The following MPPE1 variants were observed in gnomAD, a reference collection of about 807,000 sequenced individuals.
The protein encoded by MPPE1 is metallo phosphoesterase.
Under a neutral mutation model 43.8 loss-of-function variants are expected in MPPE1, and 28 were observed. The ratio of observed to expected loss-of-function variants is 0.64; its 90% CI spans 0.47 to 0.88. The LOEUF (loss-of-function observed/expected upper bound fraction) is 0.88. Among genes scored for constraint, MPPE1 ranks in the 40% least tolerant of loss-of-function variants. The probability of loss-of-function intolerance (pLI) is 0.00; values close to 1 mark genes in which losing one functional copy is unlikely to be tolerated. For synonymous variants in MPPE1, 159 were observed against 188.5 expected (o/e 0.84, Z 1.28); for missense variants, 428 against 492.2 (o/e 0.87, Z 1.23).
intron 2 of MPPE1, 29 bp downstream of exon 2, chr18:11,906,174 T>C (rs182874328): frequency 9.2e-5 from 14 of 152,128 alleles, no homozygotes; most frequent in African/African-American, 2.2e-4. Context: ...GACATATCCG[T>C]AAAATATGGA....
chr18:11,898,073 T>G (rs1202118145), intron 2 of MPPE1, among the ~76,000 whole-genome samples: 2 of 152,042 alleles, frequency 1.3e-5, no homozygotes, highest in East Asian at 3.8e-4. Context: ...TTTTGTTTTG[T>G]TTTGTTTTGT....
In MPPE1 at chr18:11,886,363, C is replaced by G. The variant is rs2144118568; in HGVS notation, c.867+136G>C. Reference sequence around the variant, plus strand: ...TACTGTGAAAGCCAGGCCTCCACCCCTGTCCCCCCAGGTGATAACTAAGTC... The same window carrying G: ...TACTGTGAAAGCCAGGCCTCCACCCGTGTCCCCCCAGGTGATAACTAAGTC... On this transcript the variant is annotated intron_variant, in intron 9 of 10. Coordinates refer to ENST00000588072, the MANE Select transcript of MPPE1 (RefSeq NM_023075.6). The surrounding 1 kb of genome is among the most constrained non-coding windows in gnomAD (Gnocchi z 4.1). 3 of 1,254,084 alleles carry G rather than the reference C, an allele frequency of 2.4e-6. No individual in the cohort carries two copies. Among genetic ancestry groups the G allele is most frequent in the South Asian group, 2.5e-5 (2 of 80,198 alleles). 77.7% of individuals were successfully genotyped at this position (1,254,084 alleles called of 1,614,324 possible).
rs528733834 is a variant in MPPE1, at chr18:11,899,455, C to T, written c.-92-2099G>A. Among the ~76,000 whole-genome samples, 12 of 152,328 alleles carry T rather than the reference C, an allele frequency of 7.9e-5. No individual in the cohort carries two copies. In the South Asian group the frequency reaches 1.5e-3, roughly 18 times the overall value. ...ATGTATAGTGGCTTCTGTAAGGGAA[C>T]CTTCAAAATTTTTATGGATTCATCC... On this transcript the variant is annotated intron_variant, in intron 2 of 10. Transcript: ENST00000588072.
chr18:11,899,964 C>A (rs1598577750), intron 2 of MPPE1, among the ~76,000 whole-genome samples: 1 of 152,212 alleles, frequency 6.6e-6, no homozygotes, highest in East Asian at 1.9e-4. Context: ...GTAATCCCAG[C>A]AGTTTGGGAG....
At chr18:11,893,975 A>T (rs76196795) in intron 3 of MPPE1, among the ~76,000 whole-genome samples, 5 of 152,162 alleles carry the variant, frequency 3.3e-5, no homozygotes, top group Admixed American at 3.3e-4. Context: ...TTAGCTTCTT[A>T]TTAAAGGGAC....
At position 11,907,481 on chromosome 18, in the gene MPPE1, C is replaced by A. The variant is rs192568186; in HGVS notation, c.-200+720G>T. On this transcript the variant is annotated intron_variant, in intron 1 of 10. Coordinates refer to ENST00000588072, the MANE Select transcript of MPPE1 (RefSeq NM_023075.6). ...AAATGGCTGTGTCACCAGCCATGGT[C>A]ACTCATATTTGGCTCAGAATTAATC... Among the ~76,000 whole-genome samples the A allele has an allele frequency of 1.3e-3, 203 of 152,056 alleles. 1 individual carries two copies. The highest frequency in any genetic ancestry group is 3.4e-3 in the Admixed American group (52 of 15,262).
At chr18:11,900,781 C>T (rs1598586504) in intron 2 of MPPE1, among the ~76,000 whole-genome samples, 1 of 151,796 alleles carries the variant, frequency 6.6e-6, no homozygotes, top group Non-Finnish European at 1.5e-5. Context: ...GTGGCAGACG[C>T]CTGTAGTCCC....
chr18:11,904,438 T>C (rs1425209009), intron 2 of MPPE1, among the ~76,000 whole-genome samples: 1 of 152,042 alleles, frequency 6.6e-6, no homozygotes, highest in Non-Finnish European at 1.5e-5. Flanking sequence ...CTTCAGCCTC[T>C]GGAGCAGCTG....
chr18:11,892,098 G>C (rs991760087), intron 4 of MPPE1, among the ~76,000 whole-genome samples: 3 of 152,132 alleles, frequency 2.0e-5, no homozygotes, highest in African/African-American at 7.2e-5. Context: ...CCAGCACTTT[G>C]GGAGGCCAAG....
At chr18:11,901,397 A>AT (rs2039186690) in intron 2 of MPPE1, among the ~76,000 whole-genome samples, 1 of 151,662 alleles carries the variant, frequency 6.6e-6, no homozygotes, top group Non-Finnish European at 1.5e-5. Context: ...CACCCAGTTA[A>AT]TTTTCATATT....
intron 1 of MPPE1, among the ~76,000 whole-genome samples, chr18:11,907,340 C>A (rs2039815944): frequency 6.6e-6 from 1 of 152,122 alleles, no homozygotes; most frequent in South Asian, 2.1e-4. Flanking sequence ...CTTTATGGAC[C>A]GAACCAATGT....
In MPPE1 at chr18:11,897,023, A is replaced by G; in HGVS notation, c.242T>C (p.Leu81Pro). ...CAGCCAGTGGCCTAGGAATTCCCCAAGCAAATGGGTGTCAGCCAAAAACAT... is the reference window on the plus strand; with the variant it reads ...CAGCCAGTGGCCTAGGAATTCCCCAGGCAAATGGGTGTCAGCCAAAAACAT... ...KAMFLADTHL[L>P]GEFLGHWLDK... is the part of the protein sequence containing the mutation. The change falls in exon 3 of 11, where the codon CTT (leucine) becomes CCT (proline). Residue 81 changes from leucine to proline, a missense_variant. Coordinates refer to ENST00000588072, the MANE Select transcript of MPPE1 (RefSeq NM_023075.6). 2 of 1,585,632 alleles carry G rather than the reference A, an allele frequency of 1.3e-6. No individual in the cohort carries two copies. Among genetic ancestry groups the G allele is most frequent in the Non-Finnish European group, 1.7e-6 (2 of 1,167,456 alleles).
intron 2 of MPPE1, chr18:11,897,566 G>C: frequency 3.8e-6 from 1 of 265,116 alleles, no homozygotes; most frequent in East Asian, 7.2e-5. Context: ...CCGTATGTCA[G>C]AATAAAGCTA....
intron 2 of MPPE1, among the ~76,000 whole-genome samples, chr18:11,904,190 A>T (rs1815846): frequency 0.38 from 57,155 of 151,998 alleles, 13,738 homozygotes; most frequent in African/African-American, 0.67. Flanking sequence ...GCAGAAGGGG[A>T]TGGGGGAGCA....
Position 11,886,512 on chromosome 18 carries a change from T to TC in MPPE1, c.853dup (p.Glu285GlyfsTer54). The TC allele has an allele frequency of 6.2e-7, 1 of 1,614,178 alleles. No homozygotes were observed. The highest frequency in any genetic ancestry group is 8.5e-7 in the Non-Finnish European group (1 of 1,180,038). ...ACCCTGGCAAACCTTTTGTGATGCC[T>TC]CCCGTGAAAGCACGTCATAGTTCTC... On this transcript the variant is annotated frameshift_variant, in exon 9 of 11. Transcript: ENST00000588072. LOFTEE classifies it high-confidence loss of function. The surrounding 1 kb of genome is among the most constrained non-coding windows in gnomAD (Gnocchi z 4.1).
At chr18:11,893,194 T>C (rs1346307931) in intron 4 of MPPE1, 5 of 396,354 alleles carry the variant, frequency 1.3e-5, no homozygotes, top group Admixed American at 4.2e-5. Context: ...AAACAGTGTA[T>C]TCCAACTAAA....
rs2036736953 is a variant in MPPE1 at position 11,882,798 on chromosome 18, G to C, written c.*1647C>G. 1.3e-5 allele frequency: 2 copies of C among 151,806 alleles called. No individual in the cohort carries two copies. The highest frequency in any genetic ancestry group is 2.9e-5 in the Non-Finnish European group (2 of 67,994). 9.4% of individuals were successfully genotyped at this position (151,806 alleles called of 1,614,324 possible). A position where few individuals can be genotyped will look rare whatever the true frequency, so the allele number is the denominator to read the frequency against. ...AAGAAACATTACAAAACCTTAATCT[G>C]AAGTATAAAGTCAAAAGATACGGCT... On this transcript the variant is annotated 3_prime_UTR_variant, in exon 11 of 11. Coordinates refer to ENST00000588072, the MANE Select transcript of MPPE1 (RefSeq NM_023075.6).
intron 2 of MPPE1, among the ~76,000 whole-genome samples, chr18:11,900,788 T>C (rs887018500): frequency 2.6e-5 from 4 of 151,484 alleles, no homozygotes; most frequent in African/African-American, 9.7e-5. Flanking sequence ...ACGCCTGTAG[T>C]CCCAGCTACT....
Position 11,884,238 on chromosome 18 carries a change from TTTG to T in MPPE1, c.*204_*206del, listed in dbSNP as rs1395326232. ...TATTTGATAAAAATGAGAAAACAGATTTGTTGTAGAGTACCTGTCCACTTTTAT... is the reference window on the plus strand; with the variant it reads ...TATTTGATAAAAATGAGAAAACAGATTTGTAGAGTACCTGTCCACTTTTAT... On this transcript the variant is annotated 3_prime_UTR_variant, in exon 11 of 11. Coordinates refer to ENST00000588072, the MANE Select transcript of MPPE1 (RefSeq NM_023075.6). The T allele has an allele frequency of 7.3e-6, 4 of 547,630 alleles. No homozygotes were observed. The East Asian group carries it at 1.2e-4, about 16-fold the overall frequency. 33.9% of individuals were successfully genotyped at this position (547,630 alleles called of 1,614,324 possible).
Sources: gnomAD v4.1 joint callset for allele counts (sites outside exome capture counted in the v4.1 genomes callset) on GRCh38, gnomAD v4.1.1 for gene constraint, Gnocchi (gnomAD v3.1) non-coding constraint, MANE v1.5 for transcripts, NCBI Gene and HGNC (gene_info 2026-07-23, HGNC 2026-07-21) for gene names.